C5: variants seen among roughly 807,000 people sequenced by gnomAD.
C5 encodes the protein C3 and PZP-like alpha-2-macroglobulin domain-containing protein 4.
C5 carries 140 observed loss-of-function variants against 218.8 expected under a neutral mutation model. That is an observed-to-expected ratio of 0.64 (90% confidence interval 0.56 to 0.74). C5 has a LOEUF of 0.74. Among genes scored for constraint, C5 ranks in the 30% least tolerant of loss-of-function variants. C5 has a pLI of 0.00. For missense variants in C5, 1,700 were observed against 1,969.6 expected (o/e 0.86, Z 2.59); for synonymous variants, 614 against 682.3 (o/e 0.90, Z 1.56).
At chr9:120,959,492 C>A (rs1446985379) in intron 38 of C5, among the ~76,000 whole-genome samples, 2 of 151,552 alleles carry the variant, frequency 1.3e-5, no homozygotes, top group Non-Finnish European at 2.9e-5. Context: ...AACTCCTGAC[C>A]TCAGGTGATC....
intron 33 of C5, among the ~76,000 whole-genome samples, chr9:120,967,409 A>G (rs2046876778): frequency 6.6e-6 from 1 of 152,152 alleles, no homozygotes; most frequent in Admixed American, 6.5e-5. Context: ...CCAAAACAAG[A>G]GGATTATGAT....
At chr9:121,025,417 T>TACACACACACACACACACAC (rs748041485) in intron 9 of C5, 37 bp downstream of exon 9, 1 of 190,338 alleles carries the variant, frequency 5.3e-6, no homozygotes, top group African/African-American at 3.6e-5. Context: ...CAAAAGAAAG[T>TACACACACACACACACACAC]ATACACACAC....
At chr9:121,012,470 C>T (rs534719765) in intron 17 of C5, among the ~76,000 whole-genome samples, 149 of 152,140 alleles carry the variant, frequency 9.8e-4, no homozygotes, top group Middle Eastern at 3.4e-3. Context: ...GCTGAGACTG[C>T]GCCATTGCAC....
chr9:121,066,957 C>A, the C5 span, among the ~76,000 whole-genome samples: 57 of 150,982 alleles, frequency 3.8e-4, 1 homozygote, highest in Non-Finnish European at 8.1e-4. Flanking sequence ...ACAGTCTCAA[C>A]AGTTTGGGTA....
At chr9:121,000,260 T>C (rs2047150489) in intron 20 of C5, among the ~76,000 whole-genome samples, 1 of 152,146 alleles carries the variant, frequency 6.6e-6, no homozygotes, top group African/African-American at 2.4e-5. Context: ...TTCAGGACAA[T>C]ATGAAAACCC....
At chr9:121,034,405 T>C (rs2047505065) in intron 5 of C5, among the ~76,000 whole-genome samples, 1 of 152,202 alleles carries the variant, frequency 6.6e-6, no homozygotes, top group Non-Finnish European at 1.5e-5. Context: ...ACTCCTTCCC[T>C]CTTGGACTTT....
chr9:121,002,439 G>A (rs1210379583), intron 20 of C5, among the ~76,000 whole-genome samples: 1 of 150,844 alleles, frequency 6.6e-6, no homozygotes, highest in Non-Finnish European at 1.5e-5. Context: ...GAGTTTGGCT[G>A]TGGCCTCTGT....
rs776994486 is a variant in C5 at position 120,997,738 on chromosome 9, T to G, written c.2599A>C (p.Thr867Pro). 1 of 1,614,062 alleles carries G rather than the reference T, an allele frequency of 6.2e-7. No individual in the cohort carries two copies. Among genetic ancestry groups the G allele is most frequent in the African/African-American group, 1.3e-5 (1 of 75,018 alleles). The stretch of plus-strand genomic sequence containing the variant: ...TGATCAATGACTGGGCTTTCCGAAG[T>G]GCAGATTCCCTCCACAGCAGACATT... ...VKMSAVEGIC[T>P]SESPVIDHQG... Residue 867 changes from threonine to proline, a missense_variant, in exon 21 of 41, where the codon ACT becomes CCT. Coordinates refer to ENST00000223642, the MANE Select transcript of C5 (RefSeq NM_001735.3).
chr9:120,962,310 G>A (rs1295185738), intron 36 of C5, among the ~76,000 whole-genome samples: 1 of 152,188 alleles, frequency 6.6e-6, no homozygotes, highest in Non-Finnish European at 1.5e-5. Context: ...AATATAGATG[G>A]GCTAGAAGTT....
At chr9:121,069,307 T>C in the C5 span, among the ~76,000 whole-genome samples, 15 of 151,906 alleles carry the variant, frequency 9.9e-5, no homozygotes, top group African/African-American at 3.4e-4. Context: ...AACAACAAAA[T>C]TGTATAAAAA....
intron 9 of C5, 47 bp downstream of exon 9, chr9:121,025,407 C>A: frequency 3.1e-6 from 3 of 961,626 alleles, no homozygotes; most frequent in South Asian, 2.7e-5. Flanking sequence ...AAATATTTTT[C>A]AAAAGAAAGT....
chr9:120,992,332 AGAGCAT>A (rs1368361179), intron 22 of C5, among the ~76,000 whole-genome samples: 1 of 152,258 alleles, frequency 6.6e-6, no homozygotes, highest in Non-Finnish European at 1.5e-5. Flanking sequence ...TTTGAGTGAA[AGAGCAT>A]GAAGTTCAAA....
the C5 span, among the ~76,000 whole-genome samples, chr9:121,070,104 T>A: frequency 2.0e-5 from 3 of 151,898 alleles, no homozygotes; most frequent in South Asian, 6.3e-4. Context: ...ATGCCTGTAA[T>A]CCCAGCACTT....
In C5 at chr9:120,976,807, A is replaced by G; in HGVS notation, c.3757T>C (p.Tyr1253His). The change falls in exon 29 of 41, where the codon TAT becomes CAT. Residue 1253 changes from tyrosine to histidine, a missense_variant. Transcript: ENST00000223642. Reference sequence around the variant, plus strand: ...AAGTTCAGACTGGTGAGTAAAGCATAGGCAGTTGTTTCTACCATACGTGCC... The same window carrying G: ...AAGTTCAGACTGGTGAGTAAAGCATGGGCAGTTGTTTCTACCATACGTGCC... ...GTARMVETTA[Y>H]ALLTSLNLKD... is the part of the protein sequence containing the mutation. The G allele has an allele frequency of 6.2e-7, 1 of 1,614,056 alleles. No homozygotes were observed. Among genetic ancestry groups the G allele is most frequent in the Non-Finnish European group, 8.5e-7 (1 of 1,179,872 alleles).
chr9:121,047,138 C>T (rs1204477999), intron 1 of C5, among the ~76,000 whole-genome samples: 1 of 152,080 alleles, frequency 6.6e-6, no homozygotes, highest in Non-Finnish European at 1.5e-5. Flanking sequence ...ACATACAGCT[C>T]TTGTTAATTT....
At chr9:121,010,551 G>A (rs767694128) in intron 17 of C5, among the ~76,000 whole-genome samples, 8 of 151,898 alleles carry the variant, frequency 5.3e-5, no homozygotes, top group African/African-American at 1.5e-4. Context: ...TTGTTAAAAC[G>A]CCTTAATACC....
At chr9:121,019,391 C>G (rs1357151525) in intron 12 of C5, among the ~76,000 whole-genome samples, 1 of 152,188 alleles carries the variant, frequency 6.6e-6, no homozygotes, top group East Asian at 1.9e-4. Context: ...TCAGGAAGCT[C>G]TTAATATTTT....
intron 2 of C5, among the ~76,000 whole-genome samples, chr9:121,045,031 C>A (rs2047615386): frequency 6.7e-6 from 1 of 149,734 alleles, no homozygotes; most frequent in Non-Finnish European, 1.5e-5. Flanking sequence ...CTCACTGCAA[C>A]CTCCGCCTTC....
Position 121,046,256 on chromosome 9 carries a change from T to A in C5, c.193A>T (p.Ser65Cys), listed in dbSNP as rs2047626375. 1 of 1,608,722 alleles carries A rather than the reference T, an allele frequency of 6.2e-7. No individual in the cohort carries two copies. The highest frequency in any genetic ancestry group is 1.3e-5 in the African/African-American group (1 of 74,812). The change falls in exon 2 of 41, where the codon AGT (serine) becomes TGT (cysteine). Residue 65 changes from serine (S) to cysteine (C), a missense_variant. Physicochemically the swap from Ser to Cys is moderately radical, Grantham distance 112. Coordinates refer to ENST00000223642, the MANE Select transcript of C5 (RefSeq NM_001735.3). ...AAATGAACATGGCCTGAGGAGTAAC[T>A]AAATTTTTTATCAGGATAACTTTTA... is the stretch of plus-strand genomic sequence containing the variant. Reference protein sequence around the residue: ...SIKSYPDKKFSYSSGHVHLSS... With the variant: ...SIKSYPDKKFCYSSGHVHLSS...
Sources: gnomAD v4.1 joint callset for allele counts (sites outside exome capture counted in the v4.1 genomes callset) on GRCh38, gnomAD v4.1.1 for gene constraint, MANE v1.5 for transcripts, NCBI Gene and HGNC (gene_info 2026-07-23, HGNC 2026-07-21) for gene names.